The following CHRNB3 variants were observed in gnomAD, a reference collection of about 807,000 sequenced individuals.
CHRNB3 encodes neuronal acetylcholine receptor subunit beta-3.
CHRNB3 carries 37 observed loss-of-function variants against 40.6 expected under a neutral mutation model. That is an observed-to-expected ratio of 0.91 (90% CI 0.70 to 1.20). CHRNB3 has a LOEUF of 1.20. Ranked by LOEUF, CHRNB3 falls within the 50% of genes most tolerant of loss-of-function variation. The pLI is 0.00. For synonymous variants in CHRNB3, 207 were observed against 207.1 expected, an observed-to-expected ratio of 1.00 and a Z score of 0.00; for missense variants, 505 against 551.2, an observed-to-expected ratio of 0.92 and a Z score of 0.84.
At chr8:42,726,336 T>G (rs1433488665) in intron 3 of CHRNB3, 1 of 537,946 alleles carries the variant, frequency 1.9e-6, no homozygotes, top group African/African-American at 1.9e-5. Context: ...GCAAATGACA[T>G]AATTGTCTAT....
rs774015181 is a variant in CHRNB3 at position 42,730,639 on chromosome 8, G to T, written c.295G>T (p.Gly99Trp). The T allele has an allele frequency of 1.9e-6, 3 of 1,609,682 alleles. No individual in the cohort carries two copies. In the East Asian group the frequency reaches 6.7e-5, roughly 36 times the overall value. Residue 99 changes from glycine to tryptophan, a missense_variant, in exon 4 of 6, where the codon GGG becomes TGG. Gly to Trp is a radical substitution (Grantham distance 184, BLOSUM62 -2). Transcript: ENST00000289957. Reference sequence around the variant, plus strand: ...ACGCTGGAATCCTGATGATTATGGTGGGATCCATTCCATTAAAGTTCCATC... The same window carrying T: ...ACGCTGGAATCCTGATGATTATGGTTGGATCCATTCCATTAAAGTTCCATC... ...KLRWNPDDYGGIHSIKVPSES... is the reference protein window; with the variant it reads ...KLRWNPDDYGWIHSIKVPSES...
intron 3 of CHRNB3, among the ~76,000 whole-genome samples, chr8:42,723,657 G>A (rs1367600787): frequency 3.3e-5 from 5 of 152,136 alleles, no homozygotes; most frequent in African/African-American, 9.7e-5. Flanking sequence ...CTGGAGTAGT[G>A]GCTGCATGGA....
intron 3 of CHRNB3, among the ~76,000 whole-genome samples, chr8:42,722,398 C>T (rs1394517520): frequency 6.6e-6 from 1 of 151,978 alleles, no homozygotes; most frequent in East Asian, 1.9e-4. Flanking sequence ...AAAAAGATCT[C>T]TTGGTGTGCC....
intron 3 of CHRNB3, among the ~76,000 whole-genome samples, chr8:42,716,544 G>T (rs1273503126): frequency 6.6e-6 from 1 of 152,050 alleles, no homozygotes; most frequent in East Asian, 1.9e-4. Context: ...CCAGGCTAGG[G>T]CTGCAGGCAT....
intron 1 of CHRNB3, among the ~76,000 whole-genome samples, chr8:42,702,772 A>C (rs780870465): frequency 3.3e-5 from 5 of 152,216 alleles, no homozygotes; most frequent in Non-Finnish European, 7.3e-5. Context: ...AAAAAAAATA[A>C]AAAGAATATA....
chr8:42,708,515 G>GT (rs1256464881), intron 1 of CHRNB3, among the ~76,000 whole-genome samples: 1 of 150,124 alleles, frequency 6.7e-6, no homozygotes, highest in Non-Finnish European at 1.5e-5. Flanking sequence ...TGTGGATTCT[G>GT]TTTTCAGCTG....
intron 1 of CHRNB3, among the ~76,000 whole-genome samples, chr8:42,700,036 T>C (rs1586389079): frequency 6.6e-6 from 1 of 151,758 alleles, no homozygotes; most frequent in South Asian, 2.1e-4. Flanking sequence ...TTTTTTGAGA[T>C]GGAGTCTCGC....
chr8:42,734,600 T>C (rs1816489315), intron 5 of CHRNB3, among the ~76,000 whole-genome samples: 1 of 151,600 alleles, frequency 6.6e-6, no homozygotes, highest in Admixed American at 6.6e-5. Context: ...TTTGTGTTTT[T>C]AGTAGAGACA....
intron 2 of CHRNB3, 33 bp downstream of exon 2, chr8:42,708,901 C>T (rs1468860415): frequency 3.1e-6 from 5 of 1,594,382 alleles, no homozygotes; most frequent in Non-Finnish European, 4.3e-6. Flanking sequence ...CTAAAAAGAA[C>T]ATGCATTCCT....
chr8:42,705,367 G>A (rs1482468289), intron 1 of CHRNB3, among the ~76,000 whole-genome samples: 1 of 152,252 alleles, frequency 6.6e-6, no homozygotes, highest in Non-Finnish European at 1.5e-5. Flanking sequence ...CAAAGTTCAA[G>A]TGCTGGAAAT....
intron 3 of CHRNB3, among the ~76,000 whole-genome samples, chr8:42,723,673 C>A (rs1456831141): frequency 6.6e-6 from 1 of 152,168 alleles, no homozygotes; most frequent in Admixed American, 6.5e-5. Flanking sequence ...ATGGATGACC[C>A]AGCCATGTGC....
chr8:42,727,377 A>G (rs774521466), intron 3 of CHRNB3, among the ~76,000 whole-genome samples: 8,288 of 150,604 alleles, frequency 0.055, 279 homozygotes, highest in Middle Eastern at 0.094. Context: ...TGTCTCGAAA[A>G]AAAAAAAAAA....
At chr8:42,723,949 G>A (rs1302434503) in intron 3 of CHRNB3, among the ~76,000 whole-genome samples, 2 of 152,020 alleles carry the variant, frequency 1.3e-5, no homozygotes, top group African/African-American at 2.4e-5. Context: ...AGCTGGGCGT[G>A]ATGGTGGATG....
intron 3 of CHRNB3, among the ~76,000 whole-genome samples, chr8:42,718,672 CAAAAAAAAAAAAAAA>C (rs59911208): frequency 4.8e-5 from 4 of 82,746 alleles, no homozygotes; most frequent in African/African-American, 2.0e-4. Context: ...GACTCTGTCT[CAAAAAAAAAAAAAAA>C]AAAAAAAAAA....
intron 3 of CHRNB3, among the ~76,000 whole-genome samples, chr8:42,712,643 T>TC (rs1220582451): frequency 6.6e-6 from 1 of 152,144 alleles, no homozygotes; most frequent in African/African-American, 2.4e-5. Flanking sequence ...CCCATCTCAT[T>TC]CCCCAGTGAC....
chr8:42,703,422 TAAAAAAAA>T (rs1202825994), intron 1 of CHRNB3, among the ~76,000 whole-genome samples: 3 of 26,472 alleles, frequency 1.1e-4, no homozygotes, highest in African/African-American at 1.8e-4. Flanking sequence ...AGACTTCGTC[TAAAAAAAA>T]AAAAAATATT....
chr8:42,734,556 AC>A (rs1816487692), intron 5 of CHRNB3, among the ~76,000 whole-genome samples: 2 of 150,812 alleles, frequency 1.3e-5, no homozygotes, highest in Admixed American at 6.6e-5. Flanking sequence ...AGTAGCTGGG[AC>A]TACAGGCACC....
chr8:42,722,593 G>A (rs745812901), intron 3 of CHRNB3, among the ~76,000 whole-genome samples: 12 of 152,100 alleles, frequency 7.9e-5, no homozygotes, highest in Admixed American at 1.3e-4. Context: ...ACAGGGCCTT[G>A]CTCTGTCTCC....
At position 42,722,540 on chromosome 8, in the gene CHRNB3, A is replaced by G. The variant is rs190949087; in HGVS notation, c.250-8054A>G. On this transcript the variant is annotated intron_variant, in intron 3 of 5. Transcript: ENST00000289957. ...ACAGTACAGTATGATTTTTTGTATA[A>G]TTCCCCCGACTTTTATTCATGTATT... Among the ~76,000 whole-genome samples the G allele has an allele frequency of 5.1e-4, 78 of 152,080 alleles. No homozygotes were observed. In the South Asian group the frequency reaches 0.014, roughly 28 times the overall value.
Sources: allele counts gnomAD v4.1 joint callset (sites outside exome capture counted in the v4.1 genomes callset), GRCh38; gene constraint gnomAD v4.1.1; transcripts MANE v1.5; gene names NCBI Gene and HGNC (gene_info 2026-07-23, HGNC 2026-07-21).